Variants in GRIP2 observed in about 807,000 individuals in gnomAD.
The protein encoded by GRIP2 is glutamate receptor interacting protein 2.
GRIP2 carries 58 observed loss-of-function variants against 108.3 expected under a neutral mutation model. The ratio of observed to expected loss-of-function variants is 0.54; its 90% CI spans 0.43 to 0.67. The LOEUF (loss-of-function observed/expected upper bound fraction) is 0.67, where lower values mean the gene tolerates loss of function less well. Ranked by LOEUF, GRIP2 falls within the 30% of genes least tolerant of loss-of-function variation. The pLI is 0.00. For synonymous variants in GRIP2, 586 were observed against 598.2 expected, an observed-to-expected ratio of 0.98 and a Z score of 0.30; for missense variants, 1,278 against 1,430.6, an observed-to-expected ratio of 0.89 and a Z score of 1.72.
chr3:14,557,735 G>A (rs115540451), upstream of GRIP2, among the ~76,000 whole-genome samples: 1,763 of 152,378 alleles, frequency 0.012, 11 homozygotes, highest in Non-Finnish European at 0.019. Context: ...GTTGAGAGGC[G>A]TGAGCCTCTA....
At chr3:14,560,565 C>T (rs780128483), upstream of GRIP2, among the ~76,000 whole-genome samples, 2 of 152,154 alleles carry the variant, frequency 1.3e-5, no homozygotes, top group South Asian at 4.2e-4. Flanking sequence ...TATTCTGGGG[C>T]TTTGGATGAA....
chr3:14,594,062 C>T, the GRIP2 span, among the ~76,000 whole-genome samples: 1 of 152,194 alleles, frequency 6.6e-6, no homozygotes, highest in Non-Finnish European at 1.5e-5. Flanking sequence ...GAGGTGCAGC[C>T]CTGCCTTTTG....
the GRIP2 span, among the ~76,000 whole-genome samples, chr3:14,598,645 C>T: frequency 6.6e-6 from 1 of 152,036 alleles, no homozygotes; most frequent in East Asian, 1.9e-4. Context: ...GAGCTCCGAG[C>T]CCCTCCTTCA....
intron 21 of GRIP2, among the ~76,000 whole-genome samples, chr3:14,497,579 A>G (rs969452891): frequency 6.6e-6 from 1 of 152,236 alleles, no homozygotes; most frequent in African/African-American, 2.4e-5. Flanking sequence ...TCTAGACCAC[A>G]GTAAGAAATG....
chr3:14,575,843 C>T, the GRIP2 span, among the ~76,000 whole-genome samples: 123 of 152,358 alleles, frequency 8.1e-4, 1 homozygote, highest in African/African-American at 2.9e-3. Context: ...AAAAGGGAAG[C>T]TTCAGGCCCA....
At chr3:14,596,698 T>C in the GRIP2 span, among the ~76,000 whole-genome samples, 6 of 152,018 alleles carry the variant, frequency 3.9e-5, no homozygotes, top group Admixed American at 6.5e-5. Flanking sequence ...AGGAAACTCA[T>C]AGGACCAAAG....
intron 1 of GRIP2, among the ~76,000 whole-genome samples, chr3:14,547,482 C>G (rs956573260): frequency 1.3e-5 from 2 of 152,194 alleles, no homozygotes; most frequent in African/African-American, 4.8e-5. Context: ...TTAGCTCAAG[C>G]TTTGGAACTT....
intron 1 of GRIP2, among the ~76,000 whole-genome samples, chr3:14,552,882 C>T (rs987906773): frequency 6.6e-6 from 1 of 152,184 alleles, no homozygotes; most frequent in Admixed American, 6.5e-5. Context: ...CGTGAGCTAG[C>T]TACCATACCT....
At chr3:14,598,146 G>A in the GRIP2 span, among the ~76,000 whole-genome samples, 10,945 of 150,938 alleles carry the variant, frequency 0.073, 492 homozygotes, top group Middle Eastern at 0.18. Context: ...AACACACACA[G>A]GACCTGGGGC....
At position 14,521,858 on chromosome 3, in the gene GRIP2, G is replaced by C; in HGVS notation, c.567-71C>G. Reference sequence around the variant, plus strand: ...GGCACAGCCTGTCTGGGAGGGCGCTGGGAAGCGGGACATGGAGGATGAAGA... The same window carrying C: ...GGCACAGCCTGTCTGGGAGGGCGCTCGGAAGCGGGACATGGAGGATGAAGA... On this transcript the variant is annotated intron_variant, in intron 6 of 23. Transcript: ENST00000621039. The surrounding 1 kb of genome is among the most constrained non-coding windows in gnomAD (Gnocchi z 5.1). The C allele has an allele frequency of 7.1e-7, 1 of 1,411,556 alleles. No individual in the cohort carries two copies. The highest frequency in any genetic ancestry group is 9.4e-7 in the Non-Finnish European group (1 of 1,063,954). 87.4% of individuals were successfully genotyped at this position (1,411,556 alleles called of 1,614,324 possible).
At chr3:14,554,418 G>A (rs1695201118) in intron 1 of GRIP2, among the ~76,000 whole-genome samples, 1 of 141,032 alleles carries the variant, frequency 7.1e-6, no homozygotes. Context: ...CTTACGGTCT[G>A]TGGACCTGAA....
At chr3:14,578,639 C>T in the GRIP2 span, among the ~76,000 whole-genome samples, 1 of 152,042 alleles carries the variant, frequency 6.6e-6, no homozygotes, top group East Asian at 1.9e-4. Flanking sequence ...ATCACTTAAG[C>T]CTGGGAGGCA....
At chr3:14,536,138 G>C (rs1398639415) in intron 1 of GRIP2, among the ~76,000 whole-genome samples, 2 of 152,208 alleles carry the variant, frequency 1.3e-5, no homozygotes, top group African/African-American at 2.4e-5. Flanking sequence ...TTCATTTGTT[G>C]CCAAGGATTG....
Position 14,554,814 on chromosome 3 carries a change from C to A in GRIP2, c.55+1086G>T, listed in dbSNP as rs1480293896. On this transcript the variant is annotated intron_variant, in intron 1 of 23. Coordinates refer to the GRIP2 transcript ENST00000637182. ...CCGCTCTGTGCCTCACTTTCCTCCT[C>A]TGCACAATCAGAATGAGGATGGGAC... Among the ~76,000 whole-genome samples the A allele has an allele frequency of 3.3e-5, 5 of 152,202 alleles. No individual in the cohort carries two copies. In the East Asian group the frequency reaches 9.6e-4, roughly 29 times the overall value.
chr3:14,517,289 C>A (rs1402336368), intron 10 of GRIP2, 76 bp from the exon 11 acceptor site: 28 of 1,412,980 alleles, frequency 2.0e-5, no homozygotes, highest in Non-Finnish European at 2.6e-5. Flanking sequence ...TGCTGGGAAG[C>A]CACCCAACCA....
the GRIP2 span, among the ~76,000 whole-genome samples, chr3:14,575,294 G>T: frequency 6.6e-6 from 1 of 152,222 alleles, no homozygotes; most frequent in African/African-American, 2.4e-5. Flanking sequence ...GCTCAGGCCT[G>T]GGATGAGCAT....
chr3:14,519,315 G>A (rs1318628148), intron 9 of GRIP2, among the ~76,000 whole-genome samples: 1 of 152,174 alleles, frequency 6.6e-6, no homozygotes, highest in Non-Finnish European at 1.5e-5. Flanking sequence ...AGGGTGGGGT[G>A]GACAGACTCC....
At chr3:14,561,510 C>A in the GRIP2 span, among the ~76,000 whole-genome samples, 1 of 152,240 alleles carries the variant, frequency 6.6e-6, no homozygotes. Flanking sequence ...ACAGGACTAT[C>A]TGGCTCTCCT....
At position 14,507,794 on chromosome 3, in the gene GRIP2, C is replaced by T; in HGVS notation, c.2079-94G>A. The T allele has an allele frequency of 2.7e-6, 4 of 1,459,374 alleles. No individual in the cohort carries two copies. The highest frequency in any genetic ancestry group is 3.8e-6 in the Non-Finnish European group (4 of 1,061,308). 90.4% of individuals were successfully genotyped at this position (1,459,374 alleles called of 1,614,324 possible). A position where few individuals can be genotyped will look rare whatever the true frequency, so the allele number is the denominator to read the frequency against. The stretch of plus-strand genomic sequence containing the variant: ...CAGGGAATCCAGGAGAGCCACAAAG[C>T]AGAAGTCTGGCTGACCCCAGTTAAA... On this transcript the variant is annotated intron_variant, in intron 17 of 23. Transcript: ENST00000621039. The surrounding 1 kb of genome is among the most constrained non-coding windows in gnomAD (Gnocchi z 4.6).
Sources: gnomAD v4.1 joint callset for allele counts (sites outside exome capture counted in the v4.1 genomes callset) on GRCh38, gnomAD v4.1.1 for gene constraint, Gnocchi (gnomAD v3.1) non-coding constraint, MANE v1.5 for transcripts, NCBI Gene and HGNC (gene_info 2026-07-23, HGNC 2026-07-21) for gene names.